Variants in RTL4 observed in about 807,000 individuals in gnomAD.
RTL4 encodes the protein retrotransposon Gag-like protein 4.
Under a neutral mutation model 5.3 loss-of-function variants are expected in RTL4, and 4 were observed. That is an observed-to-expected ratio of 0.75 (90% CI 0.37 to 1.72). The LOEUF (loss-of-function observed/expected upper bound fraction) is 1.72, where lower values mean the gene tolerates loss of function less well. RTL4 is among the 40% of genes most tolerant of loss of function. The pLI is 0.04. For synonymous variants in RTL4, 98 were observed against 87.3 expected, an observed-to-expected ratio of 1.12 and a Z score of -0.68; for missense variants, 260 against 227.1, an observed-to-expected ratio of 1.14 and a Z score of -0.93.
the RTL4 span, among the ~76,000 whole-genome samples, chrX:112,439,041 G>GT: frequency 8.9e-6 from 1 of 111,925 alleles, no homozygotes; most frequent in South Asian, 3.8e-4. Context: ...AAGCAGGGAA[G>GT]TAAACATACT....
the RTL4 span, among the ~76,000 whole-genome samples, chrX:112,396,836 C>T: frequency 9.0e-6 from 1 of 111,386 alleles, no homozygotes; most frequent in Non-Finnish European, 1.9e-5. Context: ...GGTTCTCAGA[C>T]TTCTGGTTTT....
chrX:112,337,810 A>G, the RTL4 span, among the ~76,000 whole-genome samples: 1 of 110,945 alleles, frequency 9.0e-6, no homozygotes, highest in African/African-American at 3.3e-5. Flanking sequence ...GGCATGTCCT[A>G]TGTGTCTGTA....
the RTL4 span, among the ~76,000 whole-genome samples, chrX:112,095,393 G>A: frequency 8.9e-6 from 1 of 111,811 alleles, no homozygotes; most frequent in African/African-American, 3.2e-5. Context: ...TTGAGAGCAG[G>A]TTGGTGGTTC....
chrX:112,289,912 C>T, the RTL4 span, among the ~76,000 whole-genome samples: 3 of 111,019 alleles, frequency 2.7e-5, no homozygotes, highest in East Asian at 2.8e-4. Context: ...AGGCACAGAG[C>T]GATTATGTAG....
chrX:112,257,621 T>C, the RTL4 span, among the ~76,000 whole-genome samples: 1 of 109,772 alleles, frequency 9.1e-6, no homozygotes, highest in Admixed American at 9.9e-5. Flanking sequence ...TAGATGATGC[T>C]TTTGTTGCTG....
the RTL4 span, among the ~76,000 whole-genome samples, chrX:112,172,268 T>C: frequency 4.5e-5 from 5 of 110,276 alleles, no homozygotes; most frequent in Non-Finnish European, 7.6e-5. Flanking sequence ...GAGGGTACAG[T>C]GAGTGGAGAT....
chrX:112,300,908 A>G, the RTL4 span, among the ~76,000 whole-genome samples: 1 of 111,431 alleles, frequency 9.0e-6, no homozygotes, highest in Non-Finnish European at 1.9e-5. Flanking sequence ...ACACTAAAGA[A>G]GCCAGAGATC....
At chrX:112,370,023 T>C in the RTL4 span, among the ~76,000 whole-genome samples, 1 of 111,895 alleles carries the variant, frequency 8.9e-6, no homozygotes, top group African/African-American at 3.2e-5. Flanking sequence ...GTTTTGAACT[T>C]GGTTTTAAAT....
At chrX:112,366,534 C>A in the RTL4 span, among the ~76,000 whole-genome samples, 1 of 111,698 alleles carries the variant, frequency 9.0e-6, no homozygotes, top group Non-Finnish European at 1.9e-5. Context: ...TCCACCTGGA[C>A]AACTGTTCTG....
At chrX:112,107,928 T>A in the RTL4 span, among the ~76,000 whole-genome samples, 1 of 111,911 alleles carries the variant, frequency 8.9e-6, no homozygotes, top group Non-Finnish European at 1.9e-5. Context: ...TTTTGTATCT[T>A]TTTTACCTCT....
chrX:112,311,877 C>G, the RTL4 span, among the ~76,000 whole-genome samples: 1 of 110,910 alleles, frequency 9.0e-6, no homozygotes, highest in Non-Finnish European at 1.9e-5. Flanking sequence ...GTCTCTCACT[C>G]ACTTCAGAGT....
chrX:112,353,153 G>A, the RTL4 span, among the ~76,000 whole-genome samples: 191 of 111,897 alleles, frequency 1.7e-3, no homozygotes, highest in African/African-American at 5.9e-3. Context: ...ACACCAGTTA[G>A]AATGGTGATC....
chrX:112,327,245 T>C, the RTL4 span, among the ~76,000 whole-genome samples: 1 of 111,295 alleles, frequency 9.0e-6, no homozygotes, highest in Non-Finnish European at 1.9e-5. Context: ...GGCAAAGAAG[T>C]TGAAAACTTT....
the RTL4 span, among the ~76,000 whole-genome samples, chrX:112,326,692 C>A: frequency 8.9e-6 from 1 of 112,078 alleles, no homozygotes; most frequent in Non-Finnish European, 1.9e-5. Context: ...TAGGCTCCAC[C>A]TCTGGGGGCA....
rs767950925 is a variant in RTL4, at chrX:112,454,541, C to T, written c.-188C>T. On this transcript the variant is annotated 5_prime_UTR_variant, in exon 1 of 1. Transcript: ENST00000340433. ...ATGAAGAAGAGGCAACATTGAGTGG[C>T]GGACAACACTTTTTGGCATCTCTCC... The T allele has an allele frequency of 6.3e-5, 25 of 395,971 alleles. No individual in the cohort carries two copies. In the South Asian group the frequency reaches 1.5e-3, roughly 23 times the overall value. The allele number at this position is 395,971 out of a possible 1,213,427, so 32.6% of individuals were successfully genotyped here. A position where few individuals can be genotyped will look rare whatever the true frequency, so the allele number is the denominator to read the frequency against.
chrX:112,161,866 TTTCTTTCC>T, the RTL4 span, among the ~76,000 whole-genome samples: 269 of 45,632 alleles, frequency 5.9e-3, 15 homozygotes, highest in African/African-American at 0.016. Flanking sequence ...TCTTTCTTTC[TTTCTTTCC>T]TTCTTTCTTC....
chrX:112,109,351 C>G, the RTL4 span, among the ~76,000 whole-genome samples: 9 of 111,532 alleles, frequency 8.1e-5, no homozygotes, highest in East Asian at 2.6e-3. Flanking sequence ...AAAGAGTGAG[C>G]AACAGCAAGA....
the RTL4 span, among the ~76,000 whole-genome samples, chrX:112,139,755 TCTTGAATTGTACTCCCATAATTC>T: frequency 8.9e-6 from 1 of 112,273 alleles, no homozygotes; most frequent in Non-Finnish European, 1.9e-5. Flanking sequence ...CCAAATGTCA[TCTTGAATTGTACTCCCATAATTC>T]CCACATGTTG....
At chrX:112,235,272 C>T in the RTL4 span, among the ~76,000 whole-genome samples, 1 of 111,889 alleles carries the variant, frequency 8.9e-6, no homozygotes, top group East Asian at 2.8e-4. Flanking sequence ...AAAATACAGC[C>T]TCCTTTATGG....
Sources: gnomAD v4.1 joint callset for allele counts (sites outside exome capture counted in the v4.1 genomes callset) on GRCh38, gnomAD v4.1.1 for gene constraint, MANE v1.5 for transcripts, NCBI Gene and HGNC (gene_info 2026-07-23, HGNC 2026-07-21) for gene names.